The following TSR3 variants were observed in gnomAD, a reference collection of about 807,000 sequenced individuals.
TSR3 encodes the protein 18S rRNA aminocarboxypropyltransferase.
Under a neutral mutation model 28.1 loss-of-function variants are expected in TSR3, and 31 were observed. The observed-to-expected ratio is 1.10, with a 90% CI of 0.83 to 1.49. The LOEUF is 1.49. Ranked by LOEUF, TSR3 falls within the 40% of genes most tolerant of loss-of-function variation. TSR3 has a pLI of 0.00. For missense variants in TSR3, 511 were observed against 444.0 expected (o/e 1.15, Z -1.36); for synonymous variants, 219 against 197.2 (o/e 1.11, Z -0.93).
Position 1,351,696 on chromosome 16 carries a change from G to A in TSR3, c.109C>T (p.Gln37Ter). ...AFAEEVGAAL[Q>*]ASVEPGAADG... is the part of the protein sequence containing the mutation. ...CTCCCCATCACGCCTCGCTCACCCT[G>A]CAGCGCGGCGCCGACCTCCTCGGCG... is the stretch of plus-strand genomic sequence containing the variant. The change falls in exon 1 of 6, where the codon CAG becomes TAG. Residue 37 changes from glutamine to a stop codon, truncating the protein, a stop_gained. Coordinates refer to ENST00000007390, the MANE Select transcript of TSR3 (RefSeq NM_001001410.3). LOFTEE classifies it high-confidence loss of function. 7.3e-7 allele frequency: 1 copy of A among 1,375,384 alleles called. No individual in the cohort carries two copies. Among genetic ancestry groups the A allele is most frequent in the Non-Finnish European group, 9.3e-7 (1 of 1,070,028 alleles). 85.2% of individuals were successfully genotyped at this position (1,375,384 alleles called of 1,614,324 possible). A position where few individuals can be genotyped will look rare whatever the true frequency, so the allele number is the denominator to read the frequency against.
Position 1,351,578 on chromosome 16 carries a change from C to T in TSR3, c.133G>A (p.Ala45Thr). The T allele has an allele frequency of 1.4e-6, 2 of 1,474,508 alleles. No individual in the cohort carries two copies. The highest frequency in any genetic ancestry group is 1.3e-5 in the South Asian group (1 of 77,434). The allele number at this position is 1,474,508 out of a possible 1,614,324, so 91.3% of individuals were successfully genotyped here. Residue 45 changes from alanine to threonine, a missense_variant, in exon 2 of 6, where the codon GCT (alanine) becomes ACT (threonine). Ala to Thr is a moderately conservative substitution (Grantham distance 58). Transcript: ENST00000007390. ...ALQASVEPGA[A>T]DGEGGPGPAA... ...GGGCCCGGGCCGCCCTCGCCGTCAG[C>T]CGCCCCTGGCTCCACGGAAGCTGCA...
chr16:1,349,916 T>G lies in TSR3; in HGVS notation c.740A>C (p.Asn247Thr), dbSNP rs1596600298. ...FDVDSGREFG[N>T]PNRPVASTRL... Reference sequence around the variant, plus strand: ...GGTGCTGGCCACAGGCCTGTTGGGGTTTCCAAACTCTCTCCCTGAATCCAC... The same window carrying G: ...GGTGCTGGCCACAGGCCTGTTGGGGGTTCCAAACTCTCTCCCTGAATCCAC... The change falls in exon 5 of 6, where the codon AAC becomes ACC. Residue 247 changes from asparagine to threonine, a missense_variant. Physicochemically the swap from Asn to Thr is moderately conservative, Grantham distance 65 (BLOSUM62 0). Transcript: ENST00000007390. The G allele has an allele frequency of 1.2e-6, 2 of 1,612,980 alleles. No individual in the cohort carries two copies. Among genetic ancestry groups the G allele is most frequent in the Non-Finnish European group, 1.7e-6 (2 of 1,179,884 alleles).
chr16:1,349,618 G>T lies in TSR3; in HGVS notation c.768-10C>A. ...AGTGTCCGAGGGCAGCCTGGGAGAG[G>T]AGGGGGAGCACGTTCCCAAATGACG... On this transcript the variant is annotated splice_polypyrimidine_tract_variant and intron_variant, in intron 5 of 5. Coordinates refer to ENST00000007390, the MANE Select transcript of TSR3 (RefSeq NM_001001410.3). The T allele has an allele frequency of 6.3e-7, 1 of 1,582,490 alleles. No homozygotes were observed.
Position 1,351,734 on chromosome 16 carries a change from G to T in TSR3, c.71C>A (p.Ser24Tyr). 1 of 1,370,632 alleles carries T rather than the reference G, an allele frequency of 7.3e-7. No individual in the cohort carries two copies. Among genetic ancestry groups the T allele is most frequent in the Non-Finnish European group, 9.4e-7 (1 of 1,066,728 alleles). The allele number at this position is 1,370,632 out of a possible 1,614,324, so 84.9% of individuals were successfully genotyped here. The change falls in exon 1 of 6, where the codon TCC becomes TAC. Residue 24 changes from serine (S) to tyrosine (Y), a missense_variant. Transcript: ENST00000007390. ...GACCTCCTCGGCGAAGGCCTCCAGG[G>T]AGCGCGTCGGGAGGTGCCGAGGGCG... ...GGRPRHLPTR[S>Y]LEAFAEEVGA...
Position 1,349,408 on chromosome 16 carries a change from A to G in TSR3, c.*29T>C. On this transcript the variant is annotated 3_prime_UTR_variant, in exon 6 of 6. Coordinates refer to ENST00000007390, the MANE Select transcript of TSR3 (RefSeq NM_001001410.3). Reference sequence around the variant, plus strand: ...ATGTCTCTAGATTTTCTCGTCACCCAGCCTCAAAAATATATGTGTCTGCAA... The same window carrying G: ...ATGTCTCTAGATTTTCTCGTCACCCGGCCTCAAAAATATATGTGTCTGCAA... 6.2e-7 allele frequency: 1 copy of G among 1,613,170 alleles called. No homozygotes were observed. The highest frequency in any genetic ancestry group is 8.5e-7 in the Non-Finnish European group (1 of 1,179,584).
chr16:1,351,515 C>G lies in TSR3; in HGVS notation c.196G>C (p.Gly66Arg). 1 of 1,532,028 alleles carries G rather than the reference C, an allele frequency of 6.5e-7. No homozygotes were observed. Among genetic ancestry groups the G allele is most frequent in the Non-Finnish European group, 8.7e-7 (1 of 1,146,822 alleles). The allele number at this position is 1,532,028 out of a possible 1,614,324, so 94.9% of individuals were successfully genotyped here. ...LPCTLAMWEL[G>R]HCDPRRCTGR... ...GTGCAGCGCCGGGGGTCGCAGTGGC[C>G]CAACTCCCACATGGCCAGCGTGCAG... Residue 66 changes from glycine (G) to arginine (R), a missense_variant, in exon 2 of 6, where the codon GGC becomes CGC. Physicochemically the swap from Gly to Arg is moderately radical, Grantham distance 125. Coordinates refer to ENST00000007390, the MANE Select transcript of TSR3 (RefSeq NM_001001410.3).
At chr16:1,350,356 G>C (rs1177082264) in intron 3 of TSR3, 122 bp from the exon 4 acceptor site, 2 of 1,113,778 alleles carry the variant, frequency 1.8e-6, no homozygotes, top group Admixed American at 5.6e-5. Context: ...GCAAACATCA[G>C]CTCACAGTCC....
Position 1,349,514 on chromosome 16 carries a change from G to A in TSR3, c.862C>T (p.Gln288Ter), listed in dbSNP as rs376608310. The A allele has an allele frequency of 1.2e-6, 2 of 1,613,530 alleles. No homozygotes were observed. The highest frequency in any genetic ancestry group is 1.6e-4 in the Middle Eastern group (1 of 6,062). The change falls in exon 6 of 6, where the codon CAG (glutamine) becomes TAG (stop). Residue 288 changes from glutamine (Q) to a stop codon, truncating the protein, a stop_gained. Coordinates refer to ENST00000007390, the MANE Select transcript of TSR3 (RefSeq NM_001001410.3). LOFTEE classifies it low-confidence loss of function (END_TRUNC). ...GASSSCCEEEQTQGRGAEARA... is the reference protein window; with the variant it reads ...GASSSCCEEE Reference sequence around the variant, plus strand: ...GCCTCAGCCCCCCGTCCCTGCGTCTGCTCCTCTTCACAGCAGCTGCTGCTG... The same window carrying A: ...GCCTCAGCCCCCCGTCCCTGCGTCTACTCCTCTTCACAGCAGCTGCTGCTG...
chr16:1,349,391 A>T lies in TSR3; in HGVS notation c.*46T>A. 1.2e-6 allele frequency: 2 copies of T among 1,608,764 alleles called. No individual in the cohort carries two copies. The highest frequency in any genetic ancestry group is 2.2e-5 in the East Asian group (1 of 44,864). ...GCCCATTTATGTCCCTCATGTCTCT[A>T]GATTTTCTCGTCACCCAGCCTCAAA... On this transcript the variant is annotated 3_prime_UTR_variant, in exon 6 of 6. Transcript: ENST00000007390.
In TSR3 at chr16:1,349,423, T is replaced by C. The variant is rs780838933; in HGVS notation, c.*14A>G. 4 of 1,613,500 alleles carry C rather than the reference T, an allele frequency of 2.5e-6. No individual in the cohort carries two copies. The highest frequency in any genetic ancestry group is 1.1e-5 in the South Asian group (1 of 91,060). ...CTCGTCACCCAGCCTCAAAAATATA[T>C]GTGTCTGCAACCCTCAGTCTCTCTG... On this transcript the variant is annotated 3_prime_UTR_variant, in exon 6 of 6. Coordinates refer to ENST00000007390, the MANE Select transcript of TSR3 (RefSeq NM_001001410.3).
At position 1,350,792 on chromosome 16, in the gene TSR3, G is replaced by A; in HGVS notation, c.526+15C>T. On this transcript the variant is annotated intron_variant, in intron 3 of 5. Transcript: ENST00000007390. Reference sequence around the variant, plus strand: ...AGGCCGCCGGGTCACACTGCTGTGGGGCCCCTGGACTCACCTACGATGCAG... The same window carrying A: ...AGGCCGCCGGGTCACACTGCTGTGGAGCCCCTGGACTCACCTACGATGCAG... The A allele has an allele frequency of 6.2e-7, 1 of 1,606,684 alleles. No homozygotes were observed. The highest frequency in any genetic ancestry group is 8.5e-7 in the Non-Finnish European group (1 of 1,175,072).
chr16:1,350,237 G>A lies in TSR3; in HGVS notation c.527-3C>T. 2 of 1,581,974 alleles carry A rather than the reference G, an allele frequency of 1.3e-6. No individual in the cohort carries two copies. The highest frequency in any genetic ancestry group is 2.2e-5 in the South Asian group (2 of 90,502). ...AATGACAGCAAGGTCTGGAAAGCCT[G>A]ACGGTGTGAGAAACAGGAAACCCAA... On this transcript the variant is annotated splice_polypyrimidine_tract_variant and splice_region_variant and intron_variant, in intron 3 of 5. Coordinates refer to ENST00000007390, the MANE Select transcript of TSR3 (RefSeq NM_001001410.3).
chr16:1,350,308 G>A (rs983109658), intron 3 of TSR3, 74 bp from the exon 4 acceptor site: 20 of 1,453,514 alleles, frequency 1.4e-5, no homozygotes, highest in South Asian at 7.9e-5. Flanking sequence ...CCCTGCTGCC[G>A]GATGGCGGCG....
chr16:1,349,949 G>A lies in TSR3; in HGVS notation c.707C>T (p.Pro236Leu). ...CTCTCTCCCTGAATCCACATCGAAG[G>A]GATCTGAGCCGAGAGAGGAAAGTGG... ...KESPQEEEID[P>L]FDVDSGREFG... Residue 236 changes from proline (P) to leucine (L), a missense_variant, in exon 5 of 6, where the codon CCC (proline) becomes CTC (leucine). Coordinates refer to ENST00000007390, the MANE Select transcript of TSR3 (RefSeq NM_001001410.3). 2 of 1,613,466 alleles carry A rather than the reference G, an allele frequency of 1.2e-6. No individual in the cohort carries two copies. Among genetic ancestry groups the A allele is most frequent in the Non-Finnish European group, 1.7e-6 (2 of 1,179,996 alleles).
At position 1,351,810 on chromosome 16, in the gene TSR3, G is replaced by A. The variant is rs1478108289; in HGVS notation, c.-6C>T. The A allele has an allele frequency of 2.3e-6, 3 of 1,313,518 alleles. No individual in the cohort carries two copies. The highest frequency in any genetic ancestry group is 1.6e-5 in the African/African-American group (1 of 64,252). 81.4% of individuals were successfully genotyped at this position (1,313,518 alleles called of 1,614,324 possible). A position where few individuals can be genotyped will look rare whatever the true frequency, so the allele number is the denominator to read the frequency against. On this transcript the variant is annotated 5_prime_UTR_variant, in exon 1 of 6. Coordinates refer to ENST00000007390, the MANE Select transcript of TSR3 (RefSeq NM_001001410.3). ...GCTGCCCTCCTGCGGCCCATGGCGCGGACCTGGGGTGCCGGGGACTCCCCA... is the reference window on the plus strand; with the variant it reads ...GCTGCCCTCCTGCGGCCCATGGCGCAGACCTGGGGTGCCGGGGACTCCCCA...
At position 1,349,295 on chromosome 16, in the gene TSR3, T is replaced by G; in HGVS notation, c.*142A>C. 1 of 916,762 alleles carries G rather than the reference T, an allele frequency of 1.1e-6. No individual in the cohort carries two copies. 56.8% of individuals were successfully genotyped at this position (916,762 alleles called of 1,614,324 possible). A position where few individuals can be genotyped will look rare whatever the true frequency, so the allele number is the denominator to read the frequency against. ...GCCGAGGCAGGACACAGAGCACAGC[T>G]GTGCTGGAAGTGTGGGGAGAACCCG... On this transcript the variant is annotated 3_prime_UTR_variant, in exon 6 of 6. Transcript: ENST00000007390.
chr16:1,350,720 G>T (rs1462435951), intron 3 of TSR3, 87 bp downstream of exon 3: 1 of 1,445,866 alleles, frequency 6.9e-7, no homozygotes, highest in African/African-American at 1.4e-5. Context: ...GCTCCTCCTG[G>T]GGTCTGTCGG....
Position 1,350,867 on chromosome 16 carries a change from A to T in TSR3, c.466T>A (p.Tyr156Asn). 6.2e-7 allele frequency: 1 copy of T among 1,613,056 alleles called. No individual in the cohort carries two copies. The highest frequency in any genetic ancestry group is 8.5e-7 in the Non-Finnish European group (1 of 1,179,974). The change falls in exon 3 of 6, where the codon TAT becomes AAT. Residue 156 changes from tyrosine to asparagine, a missense_variant. Coordinates refer to ENST00000007390, the MANE Select transcript of TSR3 (RefSeq NM_001001410.3). ...PYLVAANPVNYGRPYRLSCVE... is the reference protein window; with the variant it reads ...PYLVAANPVNNGRPYRLSCVE... ...CAGGAAAGTCTGTAGGGCCGGCCAT[A>T]GTTCACGGGGTTGGCGGCCACCAGG...
Position 1,349,406 on chromosome 16 carries a change from C to T in TSR3, c.*31G>A. The T allele has an allele frequency of 6.2e-7, 1 of 1,612,984 alleles. No homozygotes were observed. The highest frequency in any genetic ancestry group is 8.5e-7 in the Non-Finnish European group (1 of 1,179,484). On this transcript the variant is annotated 3_prime_UTR_variant, in exon 6 of 6. Coordinates refer to ENST00000007390, the MANE Select transcript of TSR3 (RefSeq NM_001001410.3). ...TCATGTCTCTAGATTTTCTCGTCAC[C>T]CAGCCTCAAAAATATATGTGTCTGC...
Sources: allele counts gnomAD v4.1 joint callset, GRCh38; gene constraint gnomAD v4.1.1; transcripts MANE v1.5; gene names NCBI Gene and HGNC (gene_info 2026-07-23, HGNC 2026-07-21).